FRMD4B: variants seen among roughly 807,000 people sequenced by gnomAD.
FRMD4B encodes the protein FERM domain-containing protein 4B.
FRMD4B carries 74 observed loss-of-function variants against 141.5 expected under a neutral mutation model. That is an observed-to-expected ratio of 0.52 (90% CI 0.43 to 0.63). The LOEUF is 0.63. Ranked by LOEUF, FRMD4B falls within the 30% of genes least tolerant of loss-of-function variation. The probability of loss-of-function intolerance (pLI) is 0.00; values close to 1 mark genes in which losing one functional copy is unlikely to be tolerated. For synonymous variants in FRMD4B, 506 were observed against 467.9 expected, an observed-to-expected ratio of 1.08 and a Z score of -1.05; for missense variants, 1,366 against 1,253.4, an observed-to-expected ratio of 1.09 and a Z score of -1.36.
intron 11 of FRMD4B, among the ~76,000 whole-genome samples, chr3:69,210,101 G>C (rs917558047): frequency 2.6e-5 from 4 of 152,224 alleles, no homozygotes; most frequent in Admixed American, 6.5e-5. Flanking sequence ...AAAGCTAAGA[G>C]ACTTTTCCCA....
chr3:69,385,811 C>A lies in FRMD4B; in HGVS notation c.162+17G>T. On this transcript the variant is annotated intron_variant, in intron 1 of 22. Coordinates refer to ENST00000398540, the MANE Select transcript of FRMD4B (RefSeq NM_015123.3). ...GCATCCTGCTGGGGCCCTCGGGTGC[C>A]GCGCGCTCCAGCTCACCTGGTACAC... 1 of 1,531,662 alleles carries A rather than the reference C, an allele frequency of 6.5e-7. No individual in the cohort carries two copies. The highest frequency in any genetic ancestry group is 8.8e-7 in the Non-Finnish European group (1 of 1,134,328). The allele number at this position is 1,531,662 out of a possible 1,614,324, so 94.9% of individuals were successfully genotyped here.
intron 1 of FRMD4B, among the ~76,000 whole-genome samples, chr3:69,537,782 T>C (rs1424456689): frequency 6.6e-6 from 1 of 152,244 alleles, no homozygotes; most frequent in Non-Finnish European, 1.5e-5. Context: ...TTTTCCATTA[T>C]TTGGGGCATC....
intron 1 of FRMD4B, among the ~76,000 whole-genome samples, chr3:69,496,629 GAGAGAGAA>G (rs1401042903): frequency 1.4e-4 from 12 of 86,462 alleles, no homozygotes; most frequent in African/African-American, 3.3e-4. Context: ...GAGAGAGAGA[GAGAGAGAA>G]AGAGAGAGAG....
chr3:69,301,143 A>G (rs1701205994), intron 4 of FRMD4B, among the ~76,000 whole-genome samples: 1 of 152,178 alleles, frequency 6.6e-6, no homozygotes, highest in Non-Finnish European at 1.5e-5. Flanking sequence ...AAGAAAAAAA[A>G]TTTAATTCAT....
At chr3:69,442,442 G>A (rs1054571692) in intron 1 of FRMD4B, among the ~76,000 whole-genome samples, 4 of 151,954 alleles carry the variant, frequency 2.6e-5, no homozygotes, top group Non-Finnish European at 5.9e-5. Context: ...TGTTAAGAAG[G>A]CAGATTGTCA....
chr3:69,309,882 T>C (rs1278959212), intron 3 of FRMD4B, among the ~76,000 whole-genome samples: 1 of 152,214 alleles, frequency 6.6e-6, no homozygotes, highest in Non-Finnish European at 1.5e-5. Flanking sequence ...ATTTATGGCT[T>C]TATGTCTTAT....
At chr3:69,372,218 C>A (rs182716926) in intron 1 of FRMD4B, among the ~76,000 whole-genome samples, 2 of 152,302 alleles carry the variant, frequency 1.3e-5, no homozygotes, top group East Asian at 1.9e-4. Flanking sequence ...CGGAAAGAAG[C>A]CTTTTGTCAC....
intron 9 of FRMD4B, among the ~76,000 whole-genome samples, chr3:69,220,879 T>TAGG (rs1287338772): frequency 5.3e-5 from 8 of 151,896 alleles, no homozygotes; most frequent in Admixed American, 2.6e-4. Context: ...AGCAAAGAAG[T>TAGG]AGGAGTGTGA....
intron 1 of FRMD4B, among the ~76,000 whole-genome samples, chr3:69,382,672 T>C (rs1704144467): frequency 6.6e-6 from 1 of 151,900 alleles, no homozygotes; most frequent in Non-Finnish European, 1.5e-5. Context: ...AATCAGTGCA[T>C]GGCATCAGGA....
chr3:69,190,031 G>A, intron 17 of FRMD4B, 79 bp from the exon 18 acceptor site: 1 of 754,562 alleles, frequency 1.3e-6, no homozygotes, highest in Non-Finnish European at 2.3e-6. Flanking sequence ...AATTTTCAAT[G>A]GAATGCATTT....
intron 1 of FRMD4B, among the ~76,000 whole-genome samples, chr3:69,377,882 C>T (rs544407072): frequency 3.4e-4 from 52 of 151,928 alleles, no homozygotes; most frequent in Non-Finnish European, 6.0e-4. Flanking sequence ...GTGATCTCTG[C>T]TCACCGCAAC....
In FRMD4B at chr3:69,168,913, T is replaced by TCCA. The variant is rs2092561714; in HGVS notation, c.*2945_*2947dup. 1.3e-5 allele frequency among the ~76,000 whole-genome samples: 2 copies of TCCA among 152,192 alleles called. No individual in the cohort carries two copies. Among genetic ancestry groups the TCCA allele is most frequent in the South Asian group, 4.1e-4 (2 of 4,828 alleles). The stretch of plus-strand genomic sequence containing the variant: ...TAGTAGGGTGAGGCAATTTTAAAAA[T>TCCA]CCACCTTGTTAAACATATATCTTTA... On this transcript the variant is annotated 3_prime_UTR_variant, in exon 23 of 23. Transcript: ENST00000398540.
intron 4 of FRMD4B, among the ~76,000 whole-genome samples, chr3:69,290,690 T>C (rs760110834): frequency 6.6e-6 from 1 of 152,308 alleles, no homozygotes; most frequent in Middle Eastern, 3.4e-3. Context: ...GTGCCTGCAA[T>C]GTGCTAAGTG....
At chr3:69,352,325 C>A (rs1703177177) in intron 1 of FRMD4B, among the ~76,000 whole-genome samples, 1 of 152,124 alleles carries the variant, frequency 6.6e-6, no homozygotes, top group African/African-American at 2.4e-5. Flanking sequence ...CATTAGATAC[C>A]TTTAGATAGG....
intron 8 of FRMD4B, among the ~76,000 whole-genome samples, chr3:69,223,695 C>T (rs1259604602): frequency 1.3e-5 from 2 of 151,834 alleles, no homozygotes; most frequent in South Asian, 2.1e-4. Flanking sequence ...AAAAATTAGC[C>T]GAGCCTAGTG....
chr3:69,374,502 T>G (rs796428083), intron 1 of FRMD4B, among the ~76,000 whole-genome samples: 6 of 152,274 alleles, frequency 3.9e-5, no homozygotes, highest in African/African-American at 9.6e-5. Context: ...TCTTAGCAGT[T>G]GCAAATCTCA....
chr3:69,418,662 C>T (rs1704915786), intron 2 of FRMD4B, among the ~76,000 whole-genome samples: 1 of 152,140 alleles, frequency 6.6e-6, no homozygotes, highest in Non-Finnish European at 1.5e-5. Context: ...AGTCCTACAA[C>T]TGTAAAGAAC....
intron 1 of FRMD4B, among the ~76,000 whole-genome samples, chr3:69,355,106 C>A (rs1372556141): frequency 1.3e-5 from 2 of 151,482 alleles, no homozygotes; most frequent in Non-Finnish European, 2.9e-5. Flanking sequence ...ATAGCTCAAA[C>A]AACTTGGGCA....
chr3:69,309,308 T>TA (rs1701494488), intron 3 of FRMD4B, among the ~76,000 whole-genome samples: 1 of 149,762 alleles, frequency 6.7e-6, no homozygotes, highest in East Asian at 2.0e-4. Context: ...TTTTTAATTT[T>TA]TTTTTTTTTT....
Sources: gnomAD v4.1 joint callset for allele counts (sites outside exome capture counted in the v4.1 genomes callset) on GRCh38, gnomAD v4.1.1 for gene constraint, MANE v1.5 for transcripts, NCBI Gene and HGNC (gene_info 2026-07-23, HGNC 2026-07-21) for gene names.